The following SORCS3 variants were observed in gnomAD, a reference collection of about 807,000 sequenced individuals.
SORCS3 encodes the protein sortilin related VPS10 domain containing receptor 3, also known as VPS10 domain-containing receptor SorCS3.
In SORCS3, 57 loss-of-function variants were observed where a neutral mutation model predicts 146.3. The observed-to-expected ratio is 0.39, with a 90% CI of 0.31 to 0.49. The LOEUF (loss-of-function observed/expected upper bound fraction) is 0.49, where lower values mean the gene tolerates loss of function less well. Ranked by LOEUF, SORCS3 falls within the 20% of genes least tolerant of loss-of-function variation. The probability of loss-of-function intolerance (pLI) is 0.92; values close to 1 mark genes in which losing one functional copy is unlikely to be tolerated. For missense variants in SORCS3, 1,341 were observed against 1,575.5 expected (o/e 0.85, Z 2.52); for synonymous variants, 653 against 618.5 (o/e 1.06, Z -0.83).
At chr10:104,848,170 C>T (rs2018229139) in intron 2 of SORCS3, among the ~76,000 whole-genome samples, 1 of 152,300 alleles carries the variant, frequency 6.6e-6, no homozygotes, top group African/African-American at 2.4e-5. Context: ...ATCCCAGCAC[C>T]AGCCCCGCCT....
Position 104,752,114 on chromosome 10 carries a change from A to G in SORCS3, c.628-90678A>G, listed in dbSNP as rs186573459. Among the ~76,000 whole-genome samples, 794 of 150,590 alleles carry G rather than the reference A, an allele frequency of 5.3e-3. 10 individuals carry two copies. The highest frequency in any genetic ancestry group is 0.018 in the African/African-American group (746 of 41,062). On this transcript the variant is annotated intron_variant, in intron 1 of 26. Coordinates refer to ENST00000369701, the MANE Select transcript of SORCS3 (RefSeq NM_014978.3). ...CAGTGGTGCGATCTCAGCTCACTGTAACCTCCGCCTCCCAGGTTTAAGTGA... is the reference window on the plus strand; with the variant it reads ...CAGTGGTGCGATCTCAGCTCACTGTGACCTCCGCCTCCCAGGTTTAAGTGA...
intron 1 of SORCS3, among the ~76,000 whole-genome samples, chr10:104,786,463 G>T (rs751978076): frequency 1.3e-4 from 19 of 151,580 alleles, no homozygotes; most frequent in Non-Finnish European, 2.2e-4. Flanking sequence ...CAGGAGAATC[G>T]CTTGGACCCG....
chr10:105,208,128 G>A (rs1258180940), intron 16 of SORCS3, among the ~76,000 whole-genome samples: 1 of 152,144 alleles, frequency 6.6e-6, no homozygotes, highest in African/African-American at 2.4e-5. Context: ...GATCACTTGA[G>A]GTCAGGAGTT....
intron 19 of SORCS3, among the ~76,000 whole-genome samples, chr10:105,219,265 A>T (rs985011895): frequency 6.6e-6 from 1 of 152,158 alleles, no homozygotes; most frequent in Admixed American, 6.6e-5. Flanking sequence ...AACGAGGCAG[A>T]AGCTTCCATG....
intron 3 of SORCS3, among the ~76,000 whole-genome samples, chr10:104,949,228 C>T (rs2019403626): frequency 6.6e-6 from 1 of 152,146 alleles, no homozygotes; most frequent in Non-Finnish European, 1.5e-5. Context: ...CTTTAAATTG[C>T]TATGTTTCCC....
intron 7 of SORCS3, among the ~76,000 whole-genome samples, chr10:105,120,712 G>A (rs1472291594): frequency 2.6e-5 from 4 of 152,056 alleles, no homozygotes; most frequent in Non-Finnish European, 5.9e-5. Context: ...CTCAGAGAAC[G>A]GTTCTGTAAT....
chr10:104,894,914 A>G (rs2133585809), intron 2 of SORCS3, among the ~76,000 whole-genome samples: 1 of 152,324 alleles, frequency 6.6e-6, no homozygotes, highest in South Asian at 2.1e-4. Context: ...GAAATGTGGG[A>G]CAGGCACTCA....
At chr10:104,805,305 C>G (rs2017668690) in intron 1 of SORCS3, among the ~76,000 whole-genome samples, 1 of 152,138 alleles carries the variant, frequency 6.6e-6, no homozygotes, top group Non-Finnish European at 1.5e-5. Context: ...GAGGAGGAAC[C>G]ACATGAAATA....
At chr10:105,172,284 C>T (rs936000127) in intron 13 of SORCS3, among the ~76,000 whole-genome samples, 1 of 152,068 alleles carries the variant, frequency 6.6e-6, no homozygotes. Flanking sequence ...TTCATTTGTT[C>T]ATTTATTGCA....
chr10:104,980,289 T>C (rs1221391564), intron 4 of SORCS3, among the ~76,000 whole-genome samples: 1 of 152,206 alleles, frequency 6.6e-6, no homozygotes, highest in Non-Finnish European at 1.5e-5. Context: ...ATAAAGTTTC[T>C]AACCAGTGCT....
chr10:104,728,128 T>G (rs1418383399), intron 1 of SORCS3, among the ~76,000 whole-genome samples: 2 of 152,174 alleles, frequency 1.3e-5, no homozygotes, highest in African/African-American at 4.8e-5. Flanking sequence ...GGTTTTTTTT[T>G]CTTTTTTAAC....
chr10:105,253,978 A>G (rs1051622563), intron 23 of SORCS3, among the ~76,000 whole-genome samples: 2 of 152,256 alleles, frequency 1.3e-5, no homozygotes, highest in Non-Finnish European at 1.5e-5. Flanking sequence ...AGGTAATTAC[A>G]GTGATGAATA....
At chr10:105,183,559 G>A (rs1210440527) in intron 14 of SORCS3, among the ~76,000 whole-genome samples, 1 of 152,134 alleles carries the variant, frequency 6.6e-6, no homozygotes, top group African/African-American at 2.4e-5. Context: ...CCATTGATCT[G>A]TTTTTCAATT....
In SORCS3 at chr10:104,780,086, G is replaced by A. The variant is rs532465263; in HGVS notation, c.628-62706G>A. ...GGGGTGACGGGTGGTACAAATAATC[G>A]AATTGGCTGCACTTGTGAAGGATTG... is the stretch of plus-strand genomic sequence containing the variant. On this transcript the variant is annotated intron_variant, in intron 1 of 26. Coordinates refer to ENST00000369701, the MANE Select transcript of SORCS3 (RefSeq NM_014978.3). 9.9e-4 allele frequency among the ~76,000 whole-genome samples: 150 copies of A among 151,498 alleles called. 1 individual carries two copies. The highest frequency in any genetic ancestry group is 3.3e-3 in the African/African-American group (138 of 41,290).
rs1485241411 is a variant in SORCS3 at position 105,178,049 on chromosome 10, A to G, written c.1902-17A>G. 1.3e-6 allele frequency: 2 copies of G among 1,581,548 alleles called. No homozygotes were observed. The highest frequency in any genetic ancestry group is 1.7e-6 in the Non-Finnish European group (2 of 1,151,702). On this transcript the variant is annotated splice_polypyrimidine_tract_variant and intron_variant, in intron 13 of 26. Coordinates refer to ENST00000369701, the MANE Select transcript of SORCS3 (RefSeq NM_014978.3). The stretch of plus-strand genomic sequence containing the variant: ...TTATTTTCAGCTGTCTTTTTTGTGT[A>G]CTTGTTTCCAACACAGGGTGAGTTT...
At chr10:105,150,737 A>G (rs977260319) in intron 9 of SORCS3, among the ~76,000 whole-genome samples, 3 of 152,172 alleles carry the variant, frequency 2.0e-5, no homozygotes, top group Admixed American at 6.5e-5. Flanking sequence ...CTAGACCATG[A>G]CCATACTGAA....
chr10:105,138,756 C>T lies in SORCS3; in HGVS notation c.1213-641C>T, dbSNP rs562677212. Among the ~76,000 whole-genome samples the T allele has an allele frequency of 3.9e-5, 6 of 152,226 alleles. No individual in the cohort carries two copies. In the South Asian group the frequency reaches 8.3e-4, roughly 21 times the overall value. On this transcript the variant is annotated intron_variant, in intron 7 of 26. Transcript: ENST00000369701. ...AGGGCTTGTCCCTGAGCCTTCTAGCCAGAGATAACAGAGTTCAGACTCAAA... is the reference window on the plus strand; with the variant it reads ...AGGGCTTGTCCCTGAGCCTTCTAGCTAGAGATAACAGAGTTCAGACTCAAA...
At chr10:104,673,798 G>T (rs1420912691) in intron 1 of SORCS3, among the ~76,000 whole-genome samples, 1 of 151,744 alleles carries the variant, frequency 6.6e-6, no homozygotes, top group South Asian at 2.1e-4. Context: ...GTTACCATAG[G>T]GATTATATTT....
intron 17 of SORCS3, among the ~76,000 whole-genome samples, chr10:105,212,506 A>G (rs2056639755): frequency 6.6e-6 from 1 of 152,242 alleles, no homozygotes; most frequent in Admixed American, 6.5e-5. Context: ...CAGAATTATA[A>G]AAGAATTGAA....
Sources: gnomAD v4.1 joint callset for allele counts (sites outside exome capture counted in the v4.1 genomes callset) on GRCh38, gnomAD v4.1.1 for gene constraint, MANE v1.5 for transcripts, NCBI Gene and HGNC (gene_info 2026-07-23, HGNC 2026-07-21) for gene names.